The following CFDP1 variants were observed in gnomAD, a reference collection of about 807,000 sequenced individuals.
CFDP1 encodes the protein heterochromatin-stabilizing protein CFDP1.
In CFDP1, 31 loss-of-function variants were observed where a neutral mutation model predicts 40.1. The observed-to-expected ratio is 0.77, with a 90% CI of 0.58 to 1.04. The LOEUF is 1.04. Among genes scored for constraint, CFDP1 ranks in the 50% least tolerant of loss-of-function variants. The pLI, the probability that CFDP1 is intolerant of heterozygous loss-of-function variation, is 0.00. For synonymous variants in CFDP1, 167 were observed against 120.0 expected (o/e 1.39, Z -2.56); for missense variants, 423 against 343.4 (o/e 1.23, Z -1.83).
chr16:75,373,655 T>C (rs72787126), intron 5 of CFDP1, among the ~76,000 whole-genome samples: 1 of 152,118 alleles, frequency 6.6e-6, no homozygotes, highest in Non-Finnish European at 1.5e-5. Flanking sequence ...ATTCTTTTTA[T>C]TTTTATTTAT....
At chr16:75,422,257 C>A (rs982893487) in intron 1 of CFDP1, among the ~76,000 whole-genome samples, 1 of 151,846 alleles carries the variant, frequency 6.6e-6, no homozygotes, top group Non-Finnish European at 1.5e-5. Context: ...CCACCACACC[C>A]GGCTAATTTT....
chr16:75,330,378 G>C (rs760300341), intron 5 of CFDP1, among the ~76,000 whole-genome samples: 1 of 152,212 alleles, frequency 6.6e-6, no homozygotes, highest in Non-Finnish European at 1.5e-5. Context: ...CTTGAGGTCA[G>C]GAGTTCAAGA....
At chr16:75,357,550 G>A (rs1375482777) in intron 5 of CFDP1, among the ~76,000 whole-genome samples, 1 of 152,166 alleles carries the variant, frequency 6.6e-6, no homozygotes, top group Non-Finnish European at 1.5e-5. Flanking sequence ...TCCTGCAGCT[G>A]ATGAAACAGC....
intron 5 of CFDP1, among the ~76,000 whole-genome samples, chr16:75,313,190 G>A (rs2078305493): frequency 6.6e-6 from 1 of 152,196 alleles, no homozygotes; most frequent in Admixed American, 6.5e-5. Flanking sequence ...CGTTTGATAA[G>A]TGTTAGGAAA....
At chr16:75,338,377 CTA>C (rs2078504483) in intron 5 of CFDP1, among the ~76,000 whole-genome samples, 1 of 152,152 alleles carries the variant, frequency 6.6e-6, no homozygotes, top group Admixed American at 6.5e-5. Flanking sequence ...CCAATGGGTT[CTA>C]GTGTGTACAC....
intron 3 of CFDP1, among the ~76,000 whole-genome samples, chr16:75,412,297 G>A (rs1452926524): frequency 6.6e-6 from 1 of 152,172 alleles, no homozygotes; most frequent in African/African-American, 2.4e-5. Context: ...GGGATTGTTG[G>A]TGTGTGGCAC....
At chr16:75,297,545 C>G (rs929377510) in intron 6 of CFDP1, among the ~76,000 whole-genome samples, 4 of 152,146 alleles carry the variant, frequency 2.6e-5, no homozygotes, top group Non-Finnish European at 5.9e-5. Flanking sequence ...GGAATCACGG[C>G]TCTTGCTCTT....
At chr16:75,347,234 C>A (rs1431139925) in intron 5 of CFDP1, among the ~76,000 whole-genome samples, 1 of 150,064 alleles carries the variant, frequency 6.7e-6, no homozygotes, top group Non-Finnish European at 1.5e-5. Flanking sequence ...ATCCCAGGTA[C>A]TCAGGAGGCT....
intron 5 of CFDP1, among the ~76,000 whole-genome samples, chr16:75,335,680 C>T (rs911769620): frequency 1.3e-5 from 2 of 151,890 alleles, no homozygotes; most frequent in Non-Finnish European, 2.9e-5. Context: ...CCTCAGCCTC[C>T]CGAGTAGCTG....
chr16:75,296,067 T>A (rs2078179878), intron 6 of CFDP1, among the ~76,000 whole-genome samples: 1 of 152,152 alleles, frequency 6.6e-6, no homozygotes, highest in South Asian at 2.1e-4. Flanking sequence ...CTGGAAGTGC[T>A]AGCAGAAAAA....
At chr16:75,297,166 CTGTGTGTG>C (rs71158597) in intron 6 of CFDP1, among the ~76,000 whole-genome samples, 82 of 143,460 alleles carry the variant, frequency 5.7e-4, no homozygotes, top group African/African-American at 2.0e-3. Flanking sequence ...GTGTGTGTGT[CTGTGTGTG>C]TGTGTGTGTG....
chr16:75,353,711 T>C (rs1185863704), intron 5 of CFDP1, among the ~76,000 whole-genome samples: 5 of 119,388 alleles, frequency 4.2e-5, no homozygotes, highest in Admixed American at 1.3e-4. Context: ...ATCGTGCCAC[T>C]GCACTCCAGC....
intron 5 of CFDP1, among the ~76,000 whole-genome samples, chr16:75,347,191 A>G (rs1373211244): frequency 6.6e-6 from 1 of 151,414 alleles, no homozygotes; most frequent in African/African-American, 2.4e-5. Context: ...AAAAGTACAA[A>G]AAGTCAGCTG....
chr16:75,302,127 C>G (rs1468913350), intron 6 of CFDP1, among the ~76,000 whole-genome samples: 1 of 152,206 alleles, frequency 6.6e-6, no homozygotes. Flanking sequence ...TTCCCTAACC[C>G]AGTTATGTGA....
chr16:75,339,998 G>C (rs931289826), intron 5 of CFDP1, among the ~76,000 whole-genome samples: 2 of 152,164 alleles, frequency 1.3e-5, no homozygotes, highest in East Asian at 3.9e-4. Context: ...GATTTTTCTG[G>C]TTTTGTTTAT....
At chr16:75,390,505 C>A (rs2078938673) in intron 5 of CFDP1, among the ~76,000 whole-genome samples, 1 of 152,228 alleles carries the variant, frequency 6.6e-6, no homozygotes, top group South Asian at 2.1e-4. Flanking sequence ...CACCTGCCTC[C>A]CGATTCTGCT....
At chr16:75,424,661 GA>G (rs1488394390) in intron 1 of CFDP1, among the ~76,000 whole-genome samples, 1 of 150,740 alleles carries the variant, frequency 6.6e-6, no homozygotes, top group Admixed American at 6.6e-5. Flanking sequence ...GGCTGAGGCA[GA>G]AGAATGGCGT....
chr16:75,340,613 T>A (rs976696707), intron 5 of CFDP1, among the ~76,000 whole-genome samples: 1 of 152,192 alleles, frequency 6.6e-6, no homozygotes, highest in South Asian at 2.1e-4. Context: ...GGTTCTGCAA[T>A]AAGAGGAACT....
chr16:75,350,252 T>C (rs1238449528), intron 5 of CFDP1, among the ~76,000 whole-genome samples: 3 of 152,218 alleles, frequency 2.0e-5, no homozygotes, highest in Non-Finnish European at 4.4e-5. Context: ...TTTGTGGGTA[T>C]ATGCACAGAA....
Sources: gnomAD v4.1 joint callset for allele counts (sites outside exome capture counted in the v4.1 genomes callset) on GRCh38, gnomAD v4.1.1 for gene constraint, MANE v1.5 for transcripts, NCBI Gene and HGNC (gene_info 2026-07-23, HGNC 2026-07-21) for gene names.